The following DCDC2B variants were observed in gnomAD, a reference collection of about 807,000 sequenced individuals.
DCDC2B encodes the protein doublecortin domain containing 2B, also known as doublecortin domain-containing protein 2B.
A neutral mutation model predicts 38.9 loss-of-function variants in DCDC2B; 41 were observed. That is an observed-to-expected ratio of 1.05 (90% CI 0.82 to 1.37). DCDC2B has a LOEUF of 1.37. Among genes scored for constraint, DCDC2B ranks in the 40% most tolerant of loss-of-function variants. The pLI, the probability that DCDC2B is intolerant of heterozygous loss-of-function variation, is 0.00. For missense variants in DCDC2B, 453 were observed against 427.2 expected, an observed-to-expected ratio of 1.06 and a Z score of -0.53; for synonymous variants, 181 against 171.9, an observed-to-expected ratio of 1.05 and a Z score of -0.41.
intron 6 of DCDC2B, 124 bp downstream of exon 6, chr1:32,212,917 G>GCAAGAC: frequency 2.5e-6 from 3 of 1,198,450 alleles, no homozygotes; most frequent in Non-Finnish European, 2.3e-6. Context: ...TTGAGACAGA[G>GCAAGAC]TCTTGCTCTG....
In DCDC2B at chr1:32,215,799, C is replaced by T. The variant is rs1638334102; in HGVS notation, c.955-3C>T. On this transcript the variant is annotated splice_polypyrimidine_tract_variant and splice_region_variant and intron_variant, in intron 8 of 8. Coordinates refer to ENST00000409358, the MANE Select transcript of DCDC2B (RefSeq NM_001099434.2). The stretch of plus-strand genomic sequence containing the variant: ...ATTCTGTATGGCCTTCCACCTCCTG[C>T]AGAGGGCAGCACAGATAGTGGAAGA... 5.8e-6 allele frequency: 9 copies of T among 1,549,938 alleles called. No homozygotes were observed. The highest frequency in any genetic ancestry group is 7.9e-6 in the Non-Finnish European group (9 of 1,145,954).
intron 6 of DCDC2B, 113 bp from the exon 7 acceptor site, chr1:32,214,684 T>C: frequency 6.9e-7 from 1 of 1,454,888 alleles, no homozygotes; most frequent in South Asian, 1.3e-5. Flanking sequence ...ACAGACGGTG[T>C]CTCCTCTGCC....
intron 8 of DCDC2B, 55 bp from the exon 9 acceptor site, chr1:32,215,747 C>T (rs533495251): frequency 7.1e-7 from 1 of 1,400,830 alleles, no homozygotes. Flanking sequence ...TGGCTGAGAG[C>T]TGGAGGCTGG....
In DCDC2B at chr1:32,209,261, C is replaced by T; in HGVS notation, c.168C>T (p.Leu56=). The T allele has an allele frequency of 6.2e-7, 1 of 1,614,032 alleles. No homozygotes were observed. Among genetic ancestry groups the T allele is most frequent in the Non-Finnish European group, 8.5e-7 (1 of 1,179,896 alleles). The change falls in exon 1 of 9, where the codon CTC becomes CTT. Residue 56 remains leucine (L), a synonymous_variant. Transcript: ENST00000409358. ...AVQAPLAVRA[L]YTPCHGHPVT... is the part of the protein sequence containing the mutation. ...AGGCCCCACTGGCTGTGCGTGCCCTCTACACACCTTGTCATGGCCACCCTG... is the reference window on the plus strand; with the variant it reads ...AGGCCCCACTGGCTGTGCGTGCCCTTTACACACCTTGTCATGGCCACCCTG...
rs1643604502 is a variant in DCDC2B at position 32,211,985 on chromosome 1, T to C, written c.396-85T>C. 19 of 1,553,610 alleles carry C rather than the reference T, an allele frequency of 1.2e-5. No homozygotes were observed. The Admixed American group carries it at 1.3e-4, about 11-fold the overall frequency. On this transcript the variant is annotated intron_variant, in intron 3 of 8. Coordinates refer to ENST00000409358, the MANE Select transcript of DCDC2B (RefSeq NM_001099434.2). ...GATGGGTGAAGAGAGACCAGTGTTA[T>C]GGTTATTGCTGGCCCTGTGCCACCC...
At position 32,215,503 on chromosome 1, in the gene DCDC2B, C is replaced by G. The variant is rs1393031536; in HGVS notation, c.914C>G (p.Ala305Gly). ...RKETAGALEV[A>G]DDEDTQTEEP... ...GAGACAGCGGGGGCCCTGGAAGTAG[C>G]AGATGATGAAGACACTCAGACAGAG... Residue 305 changes from alanine (A) to glycine (G), a missense_variant, in exon 8 of 9, where the codon GCA becomes GGA. Transcript: ENST00000409358. The G allele has an allele frequency of 3.1e-6, 5 of 1,613,622 alleles. No individual in the cohort carries two copies. The highest frequency in any genetic ancestry group is 1.7e-5 in the Admixed American group (1 of 59,956).
chr1:32,213,800 G>A (rs559199413), intron 6 of DCDC2B, among the ~76,000 whole-genome samples: 13 of 147,230 alleles, frequency 8.8e-5, no homozygotes, highest in South Asian at 2.2e-4. Flanking sequence ...GTGAGCCACC[G>A]CGCTCAGCCA....
At position 32,215,313 on chromosome 1, in the gene DCDC2B, C is replaced by G. The variant is rs1638290721; in HGVS notation, c.851-127C>G. 3.9e-6 allele frequency: 3 copies of G among 774,290 alleles called. No individual in the cohort carries two copies. The Admixed American group carries it at 9.3e-5, about 24-fold the overall frequency. The allele number at this position is 774,290 out of a possible 1,614,324, so 48.0% of individuals were successfully genotyped here. Reference sequence around the variant, plus strand: ...GGCCCACCTCTCACTTCCTTGCCATCCTGGGAGGTGGTGGGGAATGCAGAA... The same window carrying G: ...GGCCCACCTCTCACTTCCTTGCCATGCTGGGAGGTGGTGGGGAATGCAGAA... On this transcript the variant is annotated intron_variant, in intron 7 of 8. Coordinates refer to ENST00000409358, the MANE Select transcript of DCDC2B (RefSeq NM_001099434.2).
rs1643615258 is a variant in DCDC2B, at chr1:32,212,196, G to A, written c.522G>A (p.Val174=). Residue 174 remains valine (V), a synonymous_variant, in exon 4 of 9, where the codon GTG becomes GTA. Transcript: ENST00000409358. The stretch of plus-strand genomic sequence containing the variant: ...AGGTCAAGTTGCAGAGTGGGGCTGT[G>A]TGCAAGTGAGTATGGGGACTGCGAG... ...TEKVKLQSGA[V]CKLCTLEGLP... The A allele has an allele frequency of 6.2e-7, 1 of 1,613,154 alleles. No individual in the cohort carries two copies. Among genetic ancestry groups the A allele is most frequent in the Non-Finnish European group, 8.5e-7 (1 of 1,179,788 alleles).
At chr1:32,213,828 T>A (rs1450895093) in intron 6 of DCDC2B, among the ~76,000 whole-genome samples, 1 of 151,392 alleles carries the variant, frequency 6.6e-6, no homozygotes, top group East Asian at 2.0e-4. Context: ...CTAATTTTTT[T>A]AATTTTTAGT....
Position 32,209,175 on chromosome 1 carries a change from G to A in DCDC2B, c.82G>A (p.Val28Met), listed in dbSNP as rs1401084283. 1 of 1,614,010 alleles carries A rather than the reference G, an allele frequency of 6.2e-7. No individual in the cohort carries two copies. Among genetic ancestry groups the A allele is most frequent in the Non-Finnish European group, 8.5e-7 (1 of 1,179,888 alleles). ...ATTCTTCCCAGGCTCCCAGCTGGTGGTGACTCAACGCCGCTTCCCCACCAT... is the reference window on the plus strand; with the variant it reads ...ATTCTTCCCAGGCTCCCAGCTGGTGATGACTCAACGCCGCTTCCCCACCAT... ...DPFFPGSQLVVTQRRFPTMEA... is the reference protein window; with the variant it reads ...DPFFPGSQLVMTQRRFPTMEA... Residue 28 changes from valine to methionine, a missense_variant, in exon 1 of 9, where the codon GTG (valine) becomes ATG (methionine). By Grantham distance (21) the Val-to-Met change is conservative. Transcript: ENST00000409358.
At position 32,209,170 on chromosome 1, in the gene DCDC2B, T is replaced by C. The variant is rs925171375; in HGVS notation, c.77T>C (p.Leu26Pro). Residue 26 changes from leucine (L) to proline (P), a missense_variant, in exon 1 of 9, where the codon CTG (leucine) becomes CCG (proline). Coordinates refer to ENST00000409358, the MANE Select transcript of DCDC2B (RefSeq NM_001099434.2). ...GACCCATTCTTCCCAGGCTCCCAGCTGGTGGTGACTCAACGCCGCTTCCCC... is the reference window on the plus strand; with the variant it reads ...GACCCATTCTTCCCAGGCTCCCAGCCGGTGGTGACTCAACGCCGCTTCCCC... ...NGDPFFPGSQ[L>P]VVTQRRFPTM... 1 of 1,614,034 alleles carries C rather than the reference T, an allele frequency of 6.2e-7. No homozygotes were observed. Among genetic ancestry groups the C allele is most frequent in the African/African-American group, 1.3e-5 (1 of 75,054 alleles).
In DCDC2B at chr1:32,216,007, G is replaced by A. The variant is rs950142760; in HGVS notation, c.*110G>A. On this transcript the variant is annotated 3_prime_UTR_variant, in exon 9 of 9. Transcript: ENST00000409358. ...CCAGCACCTCCGCTGGGCTCACAGG[G>A]TACACTGCGGCCTCCTCAGCCCTCC... 1.1e-6 allele frequency: 1 copy of A among 935,478 alleles called. No homozygotes were observed. The highest frequency in any genetic ancestry group is 1.7e-6 in the Non-Finnish European group (1 of 603,896). 57.9% of individuals were successfully genotyped at this position (935,478 alleles called of 1,614,324 possible). A position where few individuals can be genotyped will look rare whatever the true frequency, so the allele number is the denominator to read the frequency against.
chr1:32,212,410 T>C, intron 4 of DCDC2B, 80 bp from the exon 5 acceptor site: 1 of 1,579,930 alleles, frequency 6.3e-7, no homozygotes, highest in Non-Finnish European at 8.6e-7. Context: ...TTGGAATAGC[T>C]GCACCCACCC....
At position 32,216,056 on chromosome 1, in the gene DCDC2B, C is replaced by T; in HGVS notation, c.*159C>T. 4 of 735,048 alleles carry T rather than the reference C, an allele frequency of 5.4e-6. No individual in the cohort carries two copies. Among genetic ancestry groups the T allele is most frequent in the Non-Finnish European group, 9.0e-6 (4 of 443,730 alleles). 45.5% of individuals were successfully genotyped at this position (735,048 alleles called of 1,614,324 possible). A position where few individuals can be genotyped will look rare whatever the true frequency, so the allele number is the denominator to read the frequency against. Reference sequence around the variant, plus strand: ...CCCCGTTCTCCTGCTCCTAAACCCACAGCCCAGCCTTCCCTTCCTCTGAGC... The same window carrying T: ...CCCCGTTCTCCTGCTCCTAAACCCATAGCCCAGCCTTCCCTTCCTCTGAGC... On this transcript the variant is annotated 3_prime_UTR_variant, in exon 9 of 9. Transcript: ENST00000409358.
chr1:32,211,699 T>C, intron 2 of DCDC2B, 62 bp from the exon 3 acceptor site: 1 of 1,534,998 alleles, frequency 6.5e-7, no homozygotes, highest in Non-Finnish European at 8.8e-7. Flanking sequence ...ACACCTTGGA[T>C]GGGCCCACCC....
chr1:32,215,780 T>C (rs2124217703), intron 8 of DCDC2B, 22 bp from the exon 9 acceptor site: 1 of 1,535,900 alleles, frequency 6.5e-7, no homozygotes, highest in Non-Finnish European at 8.8e-7. Flanking sequence ...CTCCATTCTG[T>C]ATGGCCTTCC....
At position 32,209,223 on chromosome 1, in the gene DCDC2B, A is replaced by C. The variant is rs762245396; in HGVS notation, c.130A>C (p.Thr44Pro). ...CATGGAGGCCTTCCTCTGCGAGGTG[A>C]CATCAGCTGTGCAGGCCCCACTGGC... ...PTMEAFLCEV[T>P]SAVQAPLAVR... is the part of the protein sequence containing the mutation. Residue 44 changes from threonine to proline, a missense_variant, in exon 1 of 9, where the codon ACA becomes CCA. Transcript: ENST00000409358. 1.2e-6 allele frequency: 2 copies of C among 1,614,002 alleles called. No individual in the cohort carries two copies. Among genetic ancestry groups the C allele is most frequent in the Admixed American group, 3.3e-5 (2 of 60,026 alleles).
At chr1:32,214,173 A>G (rs773902452) in intron 6 of DCDC2B, among the ~76,000 whole-genome samples, 2 of 151,832 alleles carry the variant, frequency 1.3e-5, no homozygotes, top group Non-Finnish European at 2.9e-5. Context: ...TTAGCTGGGC[A>G]TGGTGGTGGG....
Sources: gnomAD v4.1 joint callset for allele counts (sites outside exome capture counted in the v4.1 genomes callset) on GRCh38, gnomAD v4.1.1 for gene constraint, MANE v1.5 for transcripts, NCBI Gene and HGNC (gene_info 2026-07-23, HGNC 2026-07-21) for gene names.